Variants in C1GALT1 observed in about 807,000 individuals in gnomAD.
C1GALT1 encodes the protein core 1 synthase, glycoprotein-N-acetylgalactosamine 3-beta-galactosyltransferase 1, also known as glycoprotein-N-acetylgalactosamine 3-beta-galactosyltransferase 1.
Under a neutral mutation model 31.0 loss-of-function variants are expected in C1GALT1, and 11 were observed. The ratio of observed to expected loss-of-function variants is 0.36; its 90% CI spans 0.22 to 0.59. C1GALT1 has a LOEUF of 0.59. Among genes scored for constraint, C1GALT1 ranks in the 20% least tolerant of loss-of-function variants. The pLI is 0.79. For missense variants in C1GALT1, 424 were observed against 425.2 expected (o/e 1.00, Z 0.03); for synonymous variants, 175 against 143.6 (o/e 1.22, Z -1.56).
chr7:7,164,754 G>C (rs948156804), intron 2 of C1GALT1, among the ~76,000 whole-genome samples: 6 of 152,122 alleles, frequency 3.9e-5, no homozygotes, highest in Non-Finnish European at 8.8e-5. Flanking sequence ...GGGTGCCTGA[G>C]GGGGCATGGC....
At chr7:7,228,487 G>A (rs1782903016) in intron 1 of C1GALT1, among the ~76,000 whole-genome samples, 1 of 152,082 alleles carries the variant, frequency 6.6e-6, no homozygotes, top group South Asian at 2.1e-4. Flanking sequence ...TGGTTAAGCT[G>A]TGTCTTTTTC....
At chr7:7,241,531 C>A (rs546221663) in intron 3 of C1GALT1, among the ~76,000 whole-genome samples, 1 of 152,118 alleles carries the variant, frequency 6.6e-6, no homozygotes, top group South Asian at 2.1e-4. Flanking sequence ...AATTTAGGGA[C>A]AATAACATCT....
chr7:7,161,710 A>G (rs892123362), intron 2 of C1GALT1, among the ~76,000 whole-genome samples: 1 of 152,108 alleles, frequency 6.6e-6, no homozygotes, highest in Non-Finnish European at 1.5e-5. Flanking sequence ...ATTAAAATAC[A>G]TGTTTTCTAA....
chr7:7,179,834 C>T, upstream of C1GALT1, among the ~76,000 whole-genome samples: 1 of 142,232 alleles, frequency 7.0e-6, no homozygotes, highest in Non-Finnish European at 1.5e-5. Flanking sequence ...GTTCTACCTC[C>T]AGTATCATGT....
chr7:7,183,351 T>G (rs748150152), intron 1 of C1GALT1, among the ~76,000 whole-genome samples: 38 of 152,286 alleles, frequency 2.5e-4, no homozygotes, highest in Non-Finnish European at 4.7e-4. Flanking sequence ...GCGGGCTCCT[T>G]CCAGAGGTGC....
At chr7:7,224,768 C>T (rs1209343090) in intron 1 of C1GALT1, among the ~76,000 whole-genome samples, 2 of 151,784 alleles carry the variant, frequency 1.3e-5, no homozygotes, top group South Asian at 2.1e-4. Context: ...AGAACCAGCT[C>T]TTTTTTTTAC....
intron 2 of C1GALT1, among the ~76,000 whole-genome samples, chr7:7,169,720 G>A (rs1293137910): frequency 1.3e-5 from 2 of 151,992 alleles, no homozygotes; most frequent in Non-Finnish European, 1.5e-5. Context: ...TTTTTAAATC[G>A]TGTTGTTTGT....
intron 1 of C1GALT1, among the ~76,000 whole-genome samples, chr7:7,213,728 C>G (rs973694692): frequency 2.0e-5 from 3 of 152,100 alleles, no homozygotes; most frequent in Admixed American, 6.5e-5. Flanking sequence ...TTAAATGAAA[C>G]CTTATGGATT....
At chr7:7,231,804 C>T (rs543142771) in intron 1 of C1GALT1, among the ~76,000 whole-genome samples, 2 of 150,732 alleles carry the variant, frequency 1.3e-5, no homozygotes, top group Non-Finnish European at 2.9e-5. Context: ...AAAAAAAAGT[C>T]GTCATGATAA....
intron 1 of C1GALT1, among the ~76,000 whole-genome samples, chr7:7,201,744 A>G (rs1781539671): frequency 6.6e-6 from 1 of 152,104 alleles, no homozygotes; most frequent in South Asian, 2.1e-4. Flanking sequence ...CCCAGGCTAT[A>G]TGCCCTCCCC....
intron 1 of C1GALT1, among the ~76,000 whole-genome samples, chr7:7,198,758 C>T (rs1351546267): frequency 2.6e-5 from 4 of 152,134 alleles, no homozygotes; most frequent in African/African-American, 9.7e-5. Flanking sequence ...CTGCTTTAGT[C>T]TTGGGAGGGT....
intron 1 of C1GALT1, among the ~76,000 whole-genome samples, chr7:7,233,419 C>G (rs1178477477): frequency 1.3e-5 from 2 of 152,168 alleles, no homozygotes; most frequent in Admixed American, 6.5e-5. Context: ...CCTTATTCTT[C>G]CCAAGTAGCT....
intron 1 of C1GALT1, among the ~76,000 whole-genome samples, chr7:7,206,630 C>T (rs6977398): frequency 0.039 from 5,859 of 150,078 alleles, 263 homozygotes; most frequent in African/African-American, 0.11. Context: ...TAGCCACGAT[C>T]GCGCCATTGC....
rs867545734 is a variant in C1GALT1 at position 7,245,788 on chromosome 7, G to A, written c.*2061G>A. ...GATTTGCTCATAGGAAATGAATATTGTGATGAATCCTGGGCTCTAGAGTCA... is the reference window on the plus strand; with the variant it reads ...GATTTGCTCATAGGAAATGAATATTATGATGAATCCTGGGCTCTAGAGTCA... On this transcript the variant is annotated 3_prime_UTR_variant, in exon 4 of 4. Coordinates refer to ENST00000436587, the MANE Select transcript of C1GALT1 (RefSeq NM_020156.5). 1 of 152,158 alleles carries A rather than the reference G, an allele frequency of 6.6e-6. No homozygotes were observed. The highest frequency in any genetic ancestry group is 1.5e-5 in the Non-Finnish European group (1 of 68,018). 9.4% of individuals were successfully genotyped at this position (152,158 alleles called of 1,614,324 possible).
At chr7:7,218,166 AG>A (rs1161917379) in intron 1 of C1GALT1, among the ~76,000 whole-genome samples, 8 of 152,334 alleles carry the variant, frequency 5.3e-5, no homozygotes, top group African/African-American at 1.7e-4. Context: ...AGGTCTGTGG[AG>A]TAGACAAAAT....
At chr7:7,219,025 G>A (rs1213260218) in intron 1 of C1GALT1, among the ~76,000 whole-genome samples, 1 of 151,880 alleles carries the variant, frequency 6.6e-6, no homozygotes, top group Non-Finnish European at 1.5e-5. Flanking sequence ...TTTTAGCAGA[G>A]ACAGGGTTTC....
At chr7:7,205,172 G>C (rs1050924493) in intron 1 of C1GALT1, among the ~76,000 whole-genome samples, 12 of 151,742 alleles carry the variant, frequency 7.9e-5, no homozygotes, top group South Asian at 2.1e-4. Context: ...CCTTTGGTTC[G>C]TTCATCTCAG....
chr7:7,247,276 A>G lies in C1GALT1; in HGVS notation c.*3549A>G, dbSNP rs1783885576. Reference sequence around the variant, plus strand: ...TGTATTCACTATCTTTTAGATTAAGATCTTTGTTATTTGGTAAATGATTTC... The same window carrying G: ...TGTATTCACTATCTTTTAGATTAAGGTCTTTGTTATTTGGTAAATGATTTC... On this transcript the variant is annotated 3_prime_UTR_variant, in exon 4 of 4. Coordinates refer to ENST00000436587, the MANE Select transcript of C1GALT1 (RefSeq NM_020156.5). The G allele has an allele frequency of 6.6e-6, 1 of 152,094 alleles. No homozygotes were observed. The highest frequency in any genetic ancestry group is 1.5e-5 in the Non-Finnish European group (1 of 67,962). The allele number at this position is 152,094 out of a possible 1,614,324, so 9.4% of individuals were successfully genotyped here. A position where few individuals can be genotyped will look rare whatever the true frequency, so the allele number is the denominator to read the frequency against.
chr7:7,172,093 T>C (rs1465935384), intron 2 of C1GALT1, among the ~76,000 whole-genome samples: 2 of 152,238 alleles, frequency 1.3e-5, no homozygotes, highest in African/African-American at 4.8e-5. Context: ...GCTAGTGTCT[T>C]TTCATTTCAA....
Sources: gnomAD v4.1 joint callset for allele counts (sites outside exome capture counted in the v4.1 genomes callset) on GRCh38, gnomAD v4.1.1 for gene constraint, MANE v1.5 for transcripts, NCBI Gene and HGNC (gene_info 2026-07-23, HGNC 2026-07-21) for gene names.